The following PPFIA1 variants were observed in gnomAD, a reference collection of about 807,000 sequenced individuals.
PPFIA1 encodes the protein PPFI scaffold protein A1.
Under a neutral mutation model 149.9 loss-of-function variants are expected in PPFIA1, and 25 were observed. The ratio of observed to expected loss-of-function variants is 0.17; its 90% CI spans 0.12 to 0.23. The LOEUF (loss-of-function observed/expected upper bound fraction) is 0.23, where lower values mean the gene tolerates loss of function less well. Ranked by LOEUF, PPFIA1 falls within the 10% of genes least tolerant of loss-of-function variation. PPFIA1 has a pLI of 1.00. For synonymous variants in PPFIA1, 549 were observed against 552.8 expected, an observed-to-expected ratio of 0.99 and a Z score of 0.10; for missense variants, 1,362 against 1,506.5, an observed-to-expected ratio of 0.90 and a Z score of 1.59.
chr11:70,368,163 TGTAAGG>T (rs1326242360), intron 21 of PPFIA1, among the ~76,000 whole-genome samples: 8 of 152,064 alleles, frequency 5.3e-5, no homozygotes, highest in Non-Finnish European at 8.8e-5. Flanking sequence ...ATATCAGGCC[TGTAAGG>T]GTAAGGTTTA....
chr11:70,308,380 G>T (rs1001218646), intron 2 of PPFIA1, among the ~76,000 whole-genome samples: 1 of 152,102 alleles, frequency 6.6e-6, no homozygotes, highest in Non-Finnish European at 1.5e-5. Flanking sequence ...GTTCAAACAG[G>T]CATTTTCTGA....
intron 2 of PPFIA1, among the ~76,000 whole-genome samples, chr11:70,279,814 C>A (rs2050636765): frequency 6.7e-6 from 1 of 148,474 alleles, no homozygotes; most frequent in Non-Finnish European, 1.5e-5. Flanking sequence ...GTCTTGAACT[C>A]TTGGGCTCAA....
chr11:70,365,359 T>C (rs1232026130), intron 21 of PPFIA1: 1 of 456,410 alleles, frequency 2.2e-6, no homozygotes, highest in African/African-American at 2.0e-5. Context: ...GTTGGTGCAC[T>C]GGGGTCACCT....
intron 16 of PPFIA1, chr11:70,350,010 T>G (rs1165055307): frequency 2.2e-6 from 1 of 450,814 alleles, no homozygotes; most frequent in Admixed American, 2.4e-5. Context: ...TTCCACCCCA[T>G]GCTATAGCGA....
chr11:70,348,133 A>T, intron 15 of PPFIA1, 56 bp from the exon 16 acceptor site: 8 of 1,510,606 alleles, frequency 5.3e-6, no homozygotes, highest in Non-Finnish European at 7.4e-6. Flanking sequence ...TTCTCATGCA[A>T]ACACATTAAT....
At chr11:70,349,160 A>G (rs1036918208) in intron 16 of PPFIA1, among the ~76,000 whole-genome samples, 2 of 149,316 alleles carry the variant, frequency 1.3e-5, no homozygotes, top group Non-Finnish European at 3.0e-5. Flanking sequence ...AAAAAAAAGG[A>G]AAAACATGAA....
intron 19 of PPFIA1, among the ~76,000 whole-genome samples, chr11:70,358,995 A>G (rs1337843861): frequency 6.6e-6 from 1 of 152,188 alleles, no homozygotes; most frequent in Non-Finnish European, 1.5e-5. Context: ...GTGCTTTCTC[A>G]GGGTAAGCAG....
chr11:70,296,543 G>C (rs988875040), intron 2 of PPFIA1, among the ~76,000 whole-genome samples: 2 of 152,032 alleles, frequency 1.3e-5, no homozygotes, highest in African/African-American at 4.8e-5. Flanking sequence ...CCAGTCAGGC[G>C]TGGCGGTGCG....
At chr11:70,309,575 T>A (rs2053118841) in intron 2 of PPFIA1, among the ~76,000 whole-genome samples, 1 of 151,458 alleles carries the variant, frequency 6.6e-6, no homozygotes, top group South Asian at 2.1e-4. Context: ...CTTAGCAGAA[T>A]GATAAAAGTA....
intron 26 of PPFIA1, among the ~76,000 whole-genome samples, chr11:70,380,592 A>G (rs1323160828): frequency 6.6e-6 from 1 of 151,284 alleles, no homozygotes; most frequent in East Asian, 2.0e-4. Context: ...AAAATTTGCC[A>G]GGCATGGTGA....
chr11:70,374,656 CTAGAAAT>C (rs1283291304), intron 23 of PPFIA1: 6 of 389,686 alleles, frequency 1.5e-5, no homozygotes, highest in Non-Finnish European at 2.3e-5. Context: ...CTTCTTTTCT[CTAGAAAT>C]AATAACTTCA....
chr11:70,340,612 A>T (rs1051602204), intron 14 of PPFIA1, among the ~76,000 whole-genome samples: 1 of 152,170 alleles, frequency 6.6e-6, no homozygotes, highest in Non-Finnish European at 1.5e-5. Flanking sequence ...GCCAGGCCGC[A>T]TTACAGACCT....
chr11:70,309,794 C>A (rs1368106665), intron 2 of PPFIA1, among the ~76,000 whole-genome samples: 1 of 152,120 alleles, frequency 6.6e-6, no homozygotes, highest in Admixed American at 6.6e-5. Flanking sequence ...ATGTCCGAAA[C>A]AGGCAGATAC....
At chr11:70,288,967 G>GTTTTT (rs34756873) in intron 2 of PPFIA1, among the ~76,000 whole-genome samples, 4 of 124,108 alleles carry the variant, frequency 3.2e-5, no homozygotes. Context: ...GCATCTGGTT[G>GTTTTT]TTTTTTTTTT....
In PPFIA1 at chr11:70,326,736, T is replaced by C. The variant is rs1354866315; in HGVS notation, c.848T>C (p.Leu283Pro). ...TCCCTTTCCAGTCATGTGACAGAAC[T>C]GGAAGAGGATCTGGACACGGCTAGA... ...LASLSSHVTELEEDLDTARKD... is the reference protein window; with the variant it reads ...LASLSSHVTEPEEDLDTARKD... Residue 283 changes from leucine to proline, a missense_variant, in exon 7 of 28, where the codon CTG (leucine) becomes CCG (proline). By Grantham distance (98) the Leu-to-Pro change is moderately conservative. This residue lies in a region of PPFIA1 where 733 missense variants were observed against 744.1 expected (regional missense o/e 0.99). Transcript: ENST00000253925. 1.2e-6 allele frequency: 2 copies of C among 1,614,152 alleles called. No homozygotes were observed. Among genetic ancestry groups the C allele is most frequent in the Non-Finnish European group, 1.7e-6 (2 of 1,180,026 alleles).
intron 2 of PPFIA1, among the ~76,000 whole-genome samples, chr11:70,321,733 T>TA (rs1304399344): frequency 6.6e-6 from 1 of 152,194 alleles, no homozygotes; most frequent in African/African-American, 2.4e-5. Flanking sequence ...GATTGGCAGT[T>TA]ACTTCACAAA....
chr11:70,333,845 ACTGTT>A (rs1210082612), intron 10 of PPFIA1, among the ~76,000 whole-genome samples: 1 of 152,130 alleles, frequency 6.6e-6, no homozygotes, highest in Non-Finnish European at 1.5e-5. Context: ...TATCAGGGGA[ACTGTT>A]CTAGGTAGCT....
chr11:70,302,052 T>C (rs546833306), intron 2 of PPFIA1, among the ~76,000 whole-genome samples: 24 of 152,292 alleles, frequency 1.6e-4, no homozygotes, highest in Non-Finnish European at 3.2e-4. Context: ...GAAAGTGCAG[T>C]GAAGCGGTGG....
chr11:70,309,773 A>G (rs1308186332), intron 2 of PPFIA1, among the ~76,000 whole-genome samples: 1 of 152,212 alleles, frequency 6.6e-6, no homozygotes, highest in Non-Finnish European at 1.5e-5. Flanking sequence ...GTATGATTCC[A>G]TTCCTGTGAA....
Sources: gnomAD v4.1 joint callset for allele counts (sites outside exome capture counted in the v4.1 genomes callset) on GRCh38, gnomAD v4.1.1 for gene constraint, gnomAD v4.1.1 regional missense constraint, MANE v1.5 for transcripts, NCBI Gene and HGNC (gene_info 2026-07-23, HGNC 2026-07-21) for gene names.